LPL: variants seen among roughly 807,000 people sequenced by gnomAD.
The protein encoded by LPL is phospholipase A1.
LPL carries 43 observed loss-of-function variants against 52.2 expected under a neutral mutation model. The ratio of observed to expected loss-of-function variants is 0.82; its 90% CI spans 0.64 to 1.06. The LOEUF is 1.06. LPL is among the 50% of genes least tolerant of loss of function. LPL has a pLI of 0.00. For synonymous variants in LPL, 244 were observed against 215.6 expected (o/e 1.13, Z -1.15); for missense variants, 639 against 585.3 (o/e 1.09, Z -0.95).
chr8:19,944,058 G>A lies in LPL; in HGVS notation c.89-4122G>A, dbSNP rs1407142952. 6.6e-6 allele frequency among the ~76,000 whole-genome samples: 1 copy of A among 151,940 alleles called. No individual in the cohort carries two copies. The highest frequency in any genetic ancestry group is 1.5e-5 in the Non-Finnish European group (1 of 67,990). On this transcript the variant is annotated intron_variant, in intron 1 of 9. Transcript: ENST00000650287. The surrounding 1 kb of genome is among the most constrained non-coding windows in gnomAD (Gnocchi z 4.2). Reference sequence around the variant, plus strand: ...AAAAATTAGCCAGGCGTGGTGGCAGGCACCTGTAATCCCGGCTACTCGGGA... The same window carrying A: ...AAAAATTAGCCAGGCGTGGTGGCAGACACCTGTAATCCCGGCTACTCGGGA...
intron 5 of LPL, 141 bp from the exon 6 acceptor site, chr8:19,955,700 C>T: frequency 1.8e-6 from 2 of 1,087,942 alleles, no homozygotes; most frequent in African/African-American, 1.5e-5. Context: ...TGAAATAGGG[C>T]CTACAATCAT....
chr8:19,955,118 G>A (rs942952082), intron 5 of LPL, among the ~76,000 whole-genome samples: 2 of 152,062 alleles, frequency 1.3e-5, no homozygotes, highest in Non-Finnish European at 2.9e-5. Context: ...TACTATTTTC[G>A]ATTGTCCTAA....
At chr8:19,961,121 C>T (rs747636359) in intron 8 of LPL, 38 bp downstream of exon 8, 6 of 1,590,574 alleles carry the variant, frequency 3.8e-6, no homozygotes, top group Non-Finnish European at 5.2e-6. Flanking sequence ...CTTTAGACCC[C>T]CACCTGATGT....
rs1240452664 is a variant in LPL, at chr8:19,951,778, A to T, written c.259A>T (p.Met87Leu). Residue 87 changes from methionine to leucine, a missense_variant, in exon 3 of 10, where the codon ATG becomes TTG. Met to Leu is a conservative substitution (Grantham distance 15, BLOSUM62 2). Coordinates refer to ENST00000650287, the MANE Select transcript of LPL (RefSeq NM_000237.3). ...MVIHGWTVTG[M>L]YESWVPKLVA... ...GTGTCATCATCTTCAGGTAACAGGAATGTATGAGAGTTGGGTGCCAAAACT... is the reference window on the plus strand; with the variant it reads ...GTGTCATCATCTTCAGGTAACAGGATTGTATGAGAGTTGGGTGCCAAAACT... 4 of 1,614,058 alleles carry T rather than the reference A, an allele frequency of 2.5e-6. No individual in the cohort carries two copies. In the African/African-American group the frequency reaches 5.3e-5, roughly 22 times the overall value.
At chr8:19,952,255 T>C (rs2069941148) in intron 3 of LPL, among the ~76,000 whole-genome samples, 1 of 152,238 alleles carries the variant, frequency 6.6e-6, no homozygotes, top group Admixed American at 6.5e-5. Context: ...AGAGGAAAGA[T>C]GGCATGTTCA....
Position 19,939,665 on chromosome 8 carries a change from C to T in LPL, c.88+137C>T. The T allele has an allele frequency of 1.2e-6, 1 of 860,486 alleles. No individual in the cohort carries two copies. The highest frequency in any genetic ancestry group is 1.6e-5 in the South Asian group (1 of 60,990). The allele number at this position is 860,486 out of a possible 1,614,324, so 53.3% of individuals were successfully genotyped here. A position where few individuals can be genotyped will look rare whatever the true frequency, so the allele number is the denominator to read the frequency against. On this transcript the variant is annotated intron_variant, in intron 1 of 9. Coordinates refer to ENST00000650287, the MANE Select transcript of LPL (RefSeq NM_000237.3). This position sits in a 1 kb window ranked among gnomAD's most constrained non-coding sequence, Gnocchi z 4.0. ...GACTCTCCCAGCCTGGGCTCTAGCC[C>T]CGAAACGGTCCCCGGAGTGGGATCC...
At chr8:19,954,062 C>T (rs1236320537) in intron 4 of LPL, 58 bp from the exon 5 acceptor site, 9 of 1,213,626 alleles carry the variant, frequency 7.4e-6, no homozygotes, top group South Asian at 3.6e-5. Context: ...CAGTGACATG[C>T]GAATGTCATA....
rs534159855 is a variant in LPL at position 19,944,395 on chromosome 8, A to C, written c.89-3785A>C. On this transcript the variant is annotated intron_variant, in intron 1 of 9. Transcript: ENST00000650287. The surrounding 1 kb of genome is among the most constrained non-coding windows in gnomAD (Gnocchi z 4.2). ...GCCTGAGTCGATAACTATGACTATC[A>C]GTCTCAGAGAGCAAATGAATTACTG... 6.7e-6 allele frequency among the ~76,000 whole-genome samples: 1 copy of C among 149,936 alleles called. No homozygotes were observed. The highest frequency in any genetic ancestry group is 2.0e-4 in the East Asian group (1 of 5,002).
In LPL at chr8:19,955,893, C is replaced by T. The variant is rs766760812; in HGVS notation, c.828C>T (p.Ile276=). 31 of 1,614,130 alleles carry T rather than the reference C, an allele frequency of 1.9e-5. No individual in the cohort carries two copies. Among genetic ancestry groups the T allele is most frequent in the Non-Finnish European group, 2.5e-5 (30 of 1,180,018 alleles). ...ACGAGCGCTCCATTCATCTCTTCATCGACTCTCTGTTGAATGAAGAAAATC... is the reference window on the plus strand; with the variant it reads ...ACGAGCGCTCCATTCATCTCTTCATTGACTCTCTGTTGAATGAAGAAAATC... ...CSHERSIHLF[I]DSLLNEENPS... The change falls in exon 6 of 10, where the codon ATC becomes ATT. Residue 276 remains isoleucine, a synonymous_variant. Transcript: ENST00000650287.
chr8:19,966,681 T>C lies in LPL; in HGVS notation c.*1371T>C, dbSNP rs2070092479. ...CAGCATAATTCGGAAGGGAAAACAG[T>C]CGATCAAGGGATGTATTGGAACATG... On this transcript the variant is annotated 3_prime_UTR_variant, in exon 10 of 10. Coordinates refer to ENST00000650287, the MANE Select transcript of LPL (RefSeq NM_000237.3). 1 of 152,208 alleles carries C rather than the reference T, an allele frequency of 6.6e-6. No individual in the cohort carries two copies. The highest frequency in any genetic ancestry group is 6.5e-5 in the Admixed American group (1 of 15,278). The allele number at this position is 152,208 out of a possible 1,614,324, so 9.4% of individuals were successfully genotyped here. A position where few individuals can be genotyped will look rare whatever the true frequency, so the allele number is the denominator to read the frequency against.
rs148898765 is a variant in LPL at position 19,952,138 on chromosome 8, A to G, written c.429+190A>G. 3.3e-5 allele frequency among the ~76,000 whole-genome samples: 5 copies of G among 152,326 alleles called. No individual in the cohort carries two copies. In the East Asian group the frequency reaches 9.6e-4, roughly 29 times the overall value. ...TTGATAAGAATAGACTATAAGGCCA[A>G]TAAATAGTCCTGCCCTGCTCTATCG... On this transcript the variant is annotated intron_variant, in intron 3 of 9. Coordinates refer to ENST00000650287, the MANE Select transcript of LPL (RefSeq NM_000237.3).
chr8:19,947,919 A>T (rs1423059260), intron 1 of LPL, among the ~76,000 whole-genome samples: 1 of 152,182 alleles, frequency 6.6e-6, no homozygotes, highest in Non-Finnish European at 1.5e-5. Flanking sequence ...ACCCTGACTA[A>T]GGAGAGCTTC....
At chr8:19,962,652 A>G (rs1457165530) in intron 9 of LPL, among the ~76,000 whole-genome samples, 1 of 152,174 alleles carries the variant, frequency 6.6e-6, no homozygotes, top group Non-Finnish European at 1.5e-5. Flanking sequence ...ATCTCACTGC[A>G]TCACCTGCAG....
At chr8:19,953,511 C>CCT in intron 4 of LPL, 90 bp downstream of exon 4, 1 of 880,356 alleles carries the variant, frequency 1.1e-6, no homozygotes, top group Non-Finnish European at 1.9e-6. Flanking sequence ...TAAATACCCA[C>CCT]ATGTGTGGTG....
chr8:19,949,277 T>A (rs1006495289), intron 2 of LPL, among the ~76,000 whole-genome samples: 13 of 152,198 alleles, frequency 8.5e-5, no homozygotes, highest in African/African-American at 3.1e-4. Context: ...TTTTCCTACA[T>A]AATTTAAGTG....
chr8:19,953,492 A>AGTCTT, intron 4 of LPL, 71 bp downstream of exon 4: 2 of 1,098,718 alleles, frequency 1.8e-6, no homozygotes, highest in Non-Finnish European at 2.8e-6. Context: ...GAATCAGAAC[A>AGTCTT]AATTTTGTTA....
chr8:19,948,369 A>T (rs1225959006), intron 2 of LPL, 29 bp downstream of exon 2: 2 of 1,612,970 alleles, frequency 1.2e-6, no homozygotes, highest in South Asian at 2.2e-5. Flanking sequence ...GGAAGAGTGG[A>T]TTGGGGTGGT....
chr8:19,956,229 G>A (rs1164627840), intron 6 of LPL, 146 bp downstream of exon 6: 6 of 1,155,554 alleles, frequency 5.2e-6, no homozygotes, highest in Non-Finnish European at 7.5e-6. Context: ...TGTTGATAGG[G>A]GGTTGCATTG....
Position 19,939,430 on chromosome 8 carries a change from C to T in LPL, c.-11C>T, listed in dbSNP as rs370686458. The T allele has an allele frequency of 1.1e-5, 17 of 1,603,370 alleles. No individual in the cohort carries two copies. Among genetic ancestry groups the T allele is most frequent in the Non-Finnish European group, 1.4e-5 (16 of 1,175,622 alleles). On this transcript the variant is annotated 5_prime_UTR_variant, in exon 1 of 10. The change creates a new upstream start codon in the 5' untranslated region. Coordinates refer to ENST00000650287, the MANE Select transcript of LPL (RefSeq NM_000237.3). This position sits in a 1 kb window ranked among gnomAD's most constrained non-coding sequence, Gnocchi z 4.0. ...GCGCCTTGCAGCTCCTCCAGAGGGA[C>T]GCGCCCCGAGATGGAGAGCAAAGCC... is the stretch of plus-strand genomic sequence containing the variant.
Sources: gnomAD v4.1 joint callset for allele counts (sites outside exome capture counted in the v4.1 genomes callset) on GRCh38, gnomAD v4.1.1 for gene constraint, Gnocchi (gnomAD v3.1) non-coding constraint, MANE v1.5 for transcripts, NCBI Gene and HGNC (gene_info 2026-07-23, HGNC 2026-07-21) for gene names.